RBFOX1: variants seen among roughly 807,000 people sequenced by gnomAD.
The protein encoded by RBFOX1 is RNA binding protein fox-1 homolog 1.
A neutral mutation model predicts 57.7 loss-of-function variants in RBFOX1; 8 were observed. The observed-to-expected ratio is 0.14, with a 90% CI of 0.08 to 0.25. RBFOX1 has a LOEUF of 0.25. Ranked by LOEUF, RBFOX1 falls within the 10% of genes least tolerant of loss-of-function variation. RBFOX1 has a pLI of 1.00. For synonymous variants in RBFOX1, 326 were observed against 222.4 expected (o/e 1.47, Z -4.15); for missense variants, 611 against 548.5 (o/e 1.11, Z -1.14).
chr16:5,765,401 A>G (rs1047644970), intron 3 of RBFOX1, among the ~76,000 whole-genome samples: 1 of 152,220 alleles, frequency 6.6e-6, no homozygotes, highest in Non-Finnish European at 1.5e-5. Context: ...AAAAAATCCC[A>G]TTAAAAACTC....
At chr16:6,060,161 G>GTTTTTTTTTTTTT (rs2095667283) in intron 1 of RBFOX1, among the ~76,000 whole-genome samples, 2 of 72,832 alleles carry the variant, frequency 2.7e-5, no homozygotes, top group African/African-American at 1.2e-4. Flanking sequence ...TTTTTTTTAC[G>GTTTTTTTTTTTTT]TATAACAAGA....
chr16:7,304,438 A>G, intron 4 of RBFOX1: 2 of 985,320 alleles, frequency 2.0e-6, no homozygotes, highest in Non-Finnish European at 2.4e-6. Flanking sequence ...CAACGTGGGC[A>G]TGTGTCCCCA....
intron 4 of RBFOX1, among the ~76,000 whole-genome samples, chr16:7,127,029 A>T (rs1327137098): frequency 1.4e-5 from 2 of 142,700 alleles, no homozygotes; most frequent in Non-Finnish European, 3.1e-5. Context: ...AAAAAAAAAA[A>T]TTATTGCAGA....
intron 1 of RBFOX1, among the ~76,000 whole-genome samples, chr16:5,453,646 T>A (rs1363650895): frequency 6.6e-6 from 1 of 152,166 alleles, no homozygotes; most frequent in Non-Finnish European, 1.5e-5. Flanking sequence ...GCAAGTAGCA[T>A]CCCATTATGA....
intron 4 of RBFOX1, among the ~76,000 whole-genome samples, chr16:7,414,772 C>T (rs908254894): frequency 2.0e-5 from 3 of 152,142 alleles, no homozygotes; most frequent in Non-Finnish European, 2.9e-5. Flanking sequence ...CGTGTGCCAC[C>T]ATGACTGGCC....
chr16:6,140,867 A>G (rs2096710327), intron 1 of RBFOX1, among the ~76,000 whole-genome samples: 1 of 152,204 alleles, frequency 6.6e-6, no homozygotes, highest in South Asian at 2.1e-4. Context: ...TCACCCATTT[A>G]CTACCCTTTT....
At chr16:6,654,759 A>G (rs2098634318) in intron 3 of RBFOX1, 109 bp downstream of exon 3, 8 of 700,658 alleles carry the variant, frequency 1.1e-5, no homozygotes, top group Non-Finnish European at 1.8e-5. Flanking sequence ...TAGGTGATTC[A>G]CGGTCTATGA....
At chr16:7,534,564 G>C (rs1047318042) in intron 5 of RBFOX1, among the ~76,000 whole-genome samples, 4 of 152,062 alleles carry the variant, frequency 2.6e-5, no homozygotes, top group Non-Finnish European at 5.9e-5. Context: ...AGCCCGATTC[G>C]ATCCACTGAA....
chr16:6,690,758 C>CTTT (rs71145276), intron 3 of RBFOX1, among the ~76,000 whole-genome samples: 4,479 of 141,024 alleles, frequency 0.032, 253 homozygotes, highest in African/African-American at 0.11. Flanking sequence ...TTCTTTCTTT[C>CTTT]TTTTTTTTTT....
At chr16:6,473,521 C>T (rs1437627515) in intron 2 of RBFOX1, among the ~76,000 whole-genome samples, 3 of 151,950 alleles carry the variant, frequency 2.0e-5, no homozygotes, top group Non-Finnish European at 4.4e-5. Context: ...ACATAAGCTA[C>T]ATGAGGGCTC....
chr16:6,885,886 A>C (rs77954852), intron 3 of RBFOX1, among the ~76,000 whole-genome samples: 25 of 152,256 alleles, frequency 1.6e-4, no homozygotes, highest in African/African-American at 5.5e-4. Context: ...TGTTTACTCA[A>C]TGCAGCATTG....
At chr16:5,407,206 C>T (rs754210868) in intron 1 of RBFOX1, among the ~76,000 whole-genome samples, 8 of 152,138 alleles carry the variant, frequency 5.3e-5, no homozygotes, top group Admixed American at 6.5e-5. Flanking sequence ...TGAGAACTCA[C>T]TCAGTATCAT....
chr16:7,180,478 A>G (rs541152667), intron 4 of RBFOX1, among the ~76,000 whole-genome samples: 13 of 152,278 alleles, frequency 8.5e-5, no homozygotes, highest in African/African-American at 2.9e-4. Context: ...GAAAGTCTAC[A>G]CCACGTTTAT....
At chr16:6,447,745 G>A (rs763715401) in intron 2 of RBFOX1, among the ~76,000 whole-genome samples, 2 of 152,190 alleles carry the variant, frequency 1.3e-5, no homozygotes, top group Admixed American at 6.5e-5. Context: ...TGCTGCTGAA[G>A]AGTTATGGGA....
chr16:6,356,071 A>G (rs1052845804), intron 2 of RBFOX1, among the ~76,000 whole-genome samples: 1 of 152,238 alleles, frequency 6.6e-6, no homozygotes, highest in African/African-American at 2.4e-5. Context: ...GATAGAAATA[A>G]ATGCATGGAT....
rs35731542 is a variant in RBFOX1 at position 7,292,531 on chromosome 16, TACAC to T, written c.28-225596_28-225593del. Among the ~76,000 whole-genome samples, 878 of 139,056 alleles carry T rather than the reference TACAC, an allele frequency of 6.3e-3. 2 individuals are homozygous for T. Among genetic ancestry groups the T allele is most frequent in the African/African-American group, 0.013 (490 of 38,220 alleles). 91.2% of individuals were successfully genotyped at this position (139,056 alleles called of 152,430 possible). Reference sequence around the variant, plus strand: ...TAAAATATATATAATACTATATGTATACACACACACACACACACACACAAATATA... The same window carrying T: ...TAAAATATATATAATACTATATGTATACACACACACACACACACAAATATA... On this transcript the variant is annotated intron_variant, in intron 4 of 15. Coordinates refer to ENST00000550418, the MANE Select transcript of RBFOX1 (RefSeq NM_018723.4).
chr16:6,279,296 A>G (rs1010463686), intron 1 of RBFOX1, among the ~76,000 whole-genome samples: 3 of 152,230 alleles, frequency 2.0e-5, no homozygotes, highest in Admixed American at 2.0e-4. Flanking sequence ...TATCCTCATT[A>G]GAGCCATAAA....
chr16:6,847,766 C>T (rs954230474), intron 3 of RBFOX1, among the ~76,000 whole-genome samples: 7 of 152,016 alleles, frequency 4.6e-5, no homozygotes, highest in East Asian at 1.9e-4. Context: ...AAAACAGTCA[C>T]GTGTGGCTTA....
intron 2 of RBFOX1, among the ~76,000 whole-genome samples, chr16:6,333,591 G>C (rs908050949): frequency 1.3e-5 from 2 of 152,006 alleles, no homozygotes; most frequent in Non-Finnish European, 2.9e-5. Context: ...AAATGGTCCA[G>C]TCATTTCTAC....
Sources: allele counts gnomAD v4.1 joint callset (sites outside exome capture counted in the v4.1 genomes callset), GRCh38; gene constraint gnomAD v4.1.1; transcripts MANE v1.5; gene names NCBI Gene and HGNC (gene_info 2026-07-23, HGNC 2026-07-21).